IL1RAPL1: variants seen among roughly 807,000 people sequenced by gnomAD.
The protein encoded by IL1RAPL1 is interleukin-1 receptor accessory protein-like 1.
A neutral mutation model predicts 48.4 loss-of-function variants in IL1RAPL1; 3 were observed. The observed-to-expected ratio is 0.06, with a 90% CI of 0.03 to 0.16. The LOEUF (loss-of-function observed/expected upper bound fraction) is 0.16, where lower values mean the gene tolerates loss of function less well. IL1RAPL1 is among the 10% of genes least tolerant of loss of function. IL1RAPL1 has a pLI of 1.00. For missense variants in IL1RAPL1, 349 were observed against 530.6 expected (o/e 0.66, Z 3.36); for synonymous variants, 185 against 187.7 (o/e 0.99, Z 0.12).
chrX:29,393,003 A>G (rs141189102), intron 3 of IL1RAPL1, among the ~76,000 whole-genome samples: 1,252 of 112,041 alleles, frequency 0.011, 18 homozygotes, highest in Non-Finnish European at 0.018. Context: ...ACGCTTACTG[A>G]GTGTTCTAAG....
chrX:28,620,874 C>G (rs774679052), intron 1 of IL1RAPL1, among the ~76,000 whole-genome samples: 7 of 112,092 alleles, frequency 6.2e-5, no homozygotes, highest in African/African-American at 2.3e-4. Context: ...GTCTATCTAT[C>G]TCATATCATT....
intron 1 of IL1RAPL1, among the ~76,000 whole-genome samples, chrX:28,684,908 A>G (rs1234442555): frequency 8.9e-6 from 1 of 112,005 alleles, no homozygotes; most frequent in African/African-American, 3.2e-5. Context: ...TAACTACGTT[A>G]TAACCTTAAA....
At chrX:29,368,425 A>G (rs1239311104) in intron 3 of IL1RAPL1, among the ~76,000 whole-genome samples, 2 of 111,680 alleles carry the variant, frequency 1.8e-5, no homozygotes. Context: ...TTTGCCCACC[A>G]GGCTGGAGTG....
intron 1 of IL1RAPL1, among the ~76,000 whole-genome samples, chrX:28,718,160 A>G (rs1377567955): frequency 1.8e-5 from 2 of 111,528 alleles, no homozygotes; most frequent in African/African-American, 3.2e-5. Context: ...TTGAGCATCT[A>G]CTATATGCCT....
chrX:29,536,768 A>G (rs1921246468), intron 5 of IL1RAPL1, among the ~76,000 whole-genome samples: 1 of 107,224 alleles, frequency 9.3e-6, no homozygotes, highest in Non-Finnish European at 2.0e-5. Context: ...ATCTTTAAAT[A>G]TATATATATA....
chrX:28,934,236 AT>A (rs1435157454), intron 2 of IL1RAPL1, among the ~76,000 whole-genome samples: 2 of 111,476 alleles, frequency 1.8e-5, no homozygotes, highest in East Asian at 5.7e-4. Flanking sequence ...ATCAAACCAC[AT>A]TGAAAAATTC....
At chrX:29,499,430 TG>T (rs1479714885) in intron 5 of IL1RAPL1, among the ~76,000 whole-genome samples, 9 of 111,782 alleles carry the variant, frequency 8.1e-5, no homozygotes, top group African/African-American at 2.9e-4. Context: ...TTCAGCCTTA[TG>T]ATTTTGTCAA....
intron 2 of IL1RAPL1, among the ~76,000 whole-genome samples, chrX:28,880,885 A>G (rs892791149): frequency 3.6e-5 from 4 of 111,842 alleles, no homozygotes; most frequent in African/African-American, 1.3e-4. Context: ...TACTCCCAGA[A>G]ATGTGTGCTT....
chrX:29,540,185 A>T (rs976877686), intron 5 of IL1RAPL1, among the ~76,000 whole-genome samples: 1 of 111,110 alleles, frequency 9.0e-6, no homozygotes, highest in African/African-American at 3.3e-5. Flanking sequence ...TTCAATAGTG[A>T]CAAAAAATAA....
rs184263862 is a variant in IL1RAPL1 at position 28,972,609 on chromosome X, G to A, written c.82+183184G>A. On this transcript the variant is annotated intron_variant, in intron 2 of 10. Transcript: ENST00000378993. ...AAAAAATTAGCCGGGCGTGGTGGCG[G>A]GTGCCTGTAGTCCCAGCTACTTGGG... is the stretch of plus-strand genomic sequence containing the variant. Among the ~76,000 whole-genome samples, 595 of 110,194 alleles carry A rather than the reference G, an allele frequency of 5.4e-3. 3 individuals carry two copies. The highest frequency in any genetic ancestry group is 7.8e-3 in the Non-Finnish European group (412 of 52,722).
chrX:29,588,974 G>C (rs1923278389), intron 5 of IL1RAPL1, among the ~76,000 whole-genome samples: 1 of 111,763 alleles, frequency 8.9e-6, no homozygotes, highest in Non-Finnish European at 1.9e-5. Flanking sequence ...ACCTAGCAGA[G>C]TCCAGCTCTG....
intron 6 of IL1RAPL1, among the ~76,000 whole-genome samples, chrX:29,755,579 T>C (rs1370829078): frequency 8.9e-6 from 1 of 112,407 alleles, no homozygotes; most frequent in African/African-American, 3.2e-5. Flanking sequence ...GAACAAAAAA[T>C]GTAGTGTGTT....
At chrX:29,905,000 G>A (rs903936770) in intron 6 of IL1RAPL1, among the ~76,000 whole-genome samples, 1 of 112,077 alleles carries the variant, frequency 8.9e-6, no homozygotes, top group African/African-American at 3.2e-5. Context: ...CAGAGTGAAA[G>A]CATTCCTATT....
At chrX:29,092,748 A>G (rs181185867) in intron 2 of IL1RAPL1, among the ~76,000 whole-genome samples, 143 of 112,398 alleles carry the variant, frequency 1.3e-3, no homozygotes, top group Non-Finnish European at 2.2e-3. Flanking sequence ...ATTTAAGTTA[A>G]GGAAAGGTTC....
chrX:28,827,551 A>C (rs2147284326), intron 2 of IL1RAPL1, among the ~76,000 whole-genome samples: 1 of 111,963 alleles, frequency 8.9e-6, no homozygotes, highest in African/African-American at 3.2e-5. Context: ...TCTTTTTTCT[A>C]AAATTTGAAC....
At chrX:28,688,198 ATT>A (rs56160447) in intron 1 of IL1RAPL1, among the ~76,000 whole-genome samples, 111 of 99,402 alleles carry the variant, frequency 1.1e-3, no homozygotes, top group Non-Finnish European at 1.9e-3. Context: ...AATATATCAC[ATT>A]TTTTTTTTTG....
intron 6 of IL1RAPL1, among the ~76,000 whole-genome samples, chrX:29,799,895 C>G (rs1281285904): frequency 2.7e-5 from 3 of 112,065 alleles, no homozygotes; most frequent in African/African-American, 9.7e-5. Context: ...ATAACTGACC[C>G]TCTAGAAGAG....
At chrX:28,766,061 T>G (rs780354788) in intron 1 of IL1RAPL1, among the ~76,000 whole-genome samples, 1 of 111,555 alleles carries the variant, frequency 9.0e-6, no homozygotes, top group East Asian at 2.8e-4. Flanking sequence ...AATGAAAAAT[T>G]TCAATGACGT....
chrX:28,932,005 G>A (rs1225715093), intron 2 of IL1RAPL1, among the ~76,000 whole-genome samples: 2 of 108,143 alleles, frequency 1.8e-5, no homozygotes, highest in Non-Finnish European at 1.9e-5. Context: ...TCACACCACT[G>A]CACTCCAGTC....
Sources: allele counts gnomAD v4.1 joint callset (sites outside exome capture counted in the v4.1 genomes callset), GRCh38; gene constraint gnomAD v4.1.1; transcripts MANE v1.5; gene names NCBI Gene and HGNC (gene_info 2026-07-23, HGNC 2026-07-21).